PRCP: variants seen among roughly 807,000 people sequenced by gnomAD.
PRCP encodes lysosomal Pro-X carboxypeptidase.
PRCP carries 46 observed loss-of-function variants against 54.2 expected under a neutral mutation model. The ratio of observed to expected loss-of-function variants is 0.85; its 90% CI spans 0.67 to 1.09. PRCP has a LOEUF of 1.09. Among genes scored for constraint, PRCP ranks in the 50% least tolerant of loss-of-function variants. The probability of loss-of-function intolerance (pLI) is 0.00; values close to 1 mark genes in which losing one functional copy is unlikely to be tolerated. For missense variants in PRCP, 613 were observed against 596.8 expected, an observed-to-expected ratio of 1.03 and a Z score of -0.28; for synonymous variants, 240 against 212.2, an observed-to-expected ratio of 1.13 and a Z score of -1.14.
chr11:82,879,960 C>T (rs1182841775), intron 1 of PRCP, among the ~76,000 whole-genome samples: 2 of 152,206 alleles, frequency 1.3e-5, no homozygotes, highest in Non-Finnish European at 2.9e-5. Flanking sequence ...GGAAGTGTCT[C>T]CCAGTTAGGC....
intron 1 of PRCP, among the ~76,000 whole-genome samples, chr11:82,891,799 T>C (rs916573847): frequency 6.6e-6 from 1 of 152,204 alleles, no homozygotes; most frequent in Non-Finnish European, 1.5e-5. Flanking sequence ...GTAAATGAAT[T>C]TAGACAGACA....
chr11:82,851,299 G>A (rs1263525364), intron 3 of PRCP, among the ~76,000 whole-genome samples: 1 of 151,782 alleles, frequency 6.6e-6, no homozygotes, highest in Non-Finnish European at 1.5e-5. Flanking sequence ...TGGTTCTAAT[G>A]AATAGAATGG....
intron 8 of PRCP, chr11:82,828,193 A>G (rs772823645): frequency 6.6e-5 from 10 of 152,250 alleles, no homozygotes; most frequent in Non-Finnish European, 1.2e-4. Flanking sequence ...TTGATTTGGC[A>G]AATCTGAGAT....
chr11:82,878,771 T>C (rs907613178), intron 1 of PRCP, among the ~76,000 whole-genome samples: 5 of 152,224 alleles, frequency 3.3e-5, no homozygotes, highest in African/African-American at 1.2e-4. Context: ...TGCTTGTCTA[T>C]AAAGGATTTT....
upstream of PRCP, chr11:82,900,601 A>T (rs1860260852): frequency 1.4e-6 from 1 of 726,848 alleles, no homozygotes; most frequent in Non-Finnish European, 2.4e-6. Context: ...CCCCGAGGAC[A>T]CCGCCTCCAC....
At position 82,899,303 on chromosome 11, in the gene PRCP, A is replaced by G. The variant is rs1860197207; in HGVS notation, c.168+932T>C. 2.0e-5 allele frequency among the ~76,000 whole-genome samples: 3 copies of G among 152,212 alleles called. No individual in the cohort carries two copies. The South Asian group carries it at 6.2e-4, about 31-fold the overall frequency. Reference sequence around the variant, plus strand: ...GTACGTTATCTGCTCTCATTCAACCATCACCACAAACCCCAAGAGATCAAG... The same window carrying G: ...GTACGTTATCTGCTCTCATTCAACCGTCACCACAAACCCCAAGAGATCAAG... On this transcript the variant is annotated intron_variant, in intron 1 of 8. Coordinates refer to ENST00000313010, the MANE Select transcript of PRCP (RefSeq NM_005040.4).
chr11:82,885,593 C>A (rs973723838), intron 1 of PRCP, among the ~76,000 whole-genome samples: 2 of 152,142 alleles, frequency 1.3e-5, no homozygotes, highest in African/African-American at 4.8e-5. Context: ...TAAGACCAGT[C>A]TCCAGGCTTT....
chr11:82,866,285 A>G (rs1859332957), intron 1 of PRCP, among the ~76,000 whole-genome samples: 1 of 152,226 alleles, frequency 6.6e-6, no homozygotes, highest in African/African-American at 2.4e-5. Context: ...GAGTCCAAGA[A>G]GATACTGTCC....
At chr11:82,881,213 C>T (rs1859741072) in intron 1 of PRCP, among the ~76,000 whole-genome samples, 2 of 152,166 alleles carry the variant, frequency 1.3e-5, no homozygotes, top group African/African-American at 4.8e-5. Context: ...TATTCAGCAA[C>T]CAAGTTACAG....
intron 1 of PRCP, among the ~76,000 whole-genome samples, chr11:82,888,367 G>A (rs1859918102): frequency 6.6e-6 from 1 of 152,118 alleles, no homozygotes; most frequent in Non-Finnish European, 1.5e-5. Flanking sequence ...AGGGCAACCT[G>A]AACTAACATG....
intron 2 of PRCP, among the ~76,000 whole-genome samples, chr11:82,855,991 C>T (rs1322041661): frequency 6.6e-6 from 1 of 152,058 alleles, no homozygotes; most frequent in Non-Finnish European, 1.5e-5. Flanking sequence ...ACCCACCAAT[C>T]CTCACTACTG....
intron 1 of PRCP, among the ~76,000 whole-genome samples, chr11:82,872,660 G>C (rs1190096765): frequency 6.6e-6 from 1 of 152,170 alleles, no homozygotes; most frequent in Non-Finnish European, 1.5e-5. Flanking sequence ...CCCGGACCAG[G>C]CTCTCCCCAG....
chr11:82,857,058 C>T (rs1444843944), intron 2 of PRCP, among the ~76,000 whole-genome samples: 1 of 139,300 alleles, frequency 7.2e-6, no homozygotes, highest in East Asian at 2.1e-4. Context: ...AAAAAGTCTA[C>T]AAATTGCACT....
intron 1 of PRCP, among the ~76,000 whole-genome samples, chr11:82,862,049 G>A (rs1591056485): frequency 6.6e-6 from 1 of 150,666 alleles, no homozygotes; most frequent in South Asian, 2.1e-4. Flanking sequence ...TATTCAGTCA[G>A]TAACCATAAT....
chr11:82,869,363 A>AG (rs2121205108), intron 1 of PRCP, among the ~76,000 whole-genome samples: 1 of 151,510 alleles, frequency 6.6e-6, no homozygotes, highest in Admixed American at 6.6e-5. Flanking sequence ...CTCAAAAAAA[A>AG]AAAAAAAGAA....
chr11:82,840,706 T>C (rs942220248), intron 6 of PRCP: 1 of 152,144 alleles, frequency 6.6e-6, no homozygotes, highest in African/African-American at 2.4e-5. Context: ...CTAGTAATTA[T>C]TAAGCCTTGG....
chr11:82,832,728 T>G (rs1043395124), intron 8 of PRCP, among the ~76,000 whole-genome samples: 1 of 152,262 alleles, frequency 6.6e-6, no homozygotes, highest in African/African-American at 2.4e-5. Context: ...TTTGTCAATT[T>G]TGGCTTTTGT....
intron 1 of PRCP, among the ~76,000 whole-genome samples, chr11:82,867,017 C>T (rs11233352): frequency 0.25 from 37,661 of 152,066 alleles, 5,126 homozygotes; most frequent in Admixed American, 0.31. Flanking sequence ...CCACCGCGCC[C>T]GGCCATAGAT....
chr11:82,870,943 T>C (rs1338706304), intron 1 of PRCP, among the ~76,000 whole-genome samples: 1 of 152,158 alleles, frequency 6.6e-6, no homozygotes, highest in Non-Finnish European at 1.5e-5. Flanking sequence ...ATAATCTGTT[T>C]GCTGATTTGC....
Sources: gnomAD v4.1 joint callset for allele counts (sites outside exome capture counted in the v4.1 genomes callset) on GRCh38, gnomAD v4.1.1 for gene constraint, MANE v1.5 for transcripts, NCBI Gene and HGNC (gene_info 2026-07-23, HGNC 2026-07-21) for gene names.